Variants in NAV3 observed in about 807,000 individuals in gnomAD.
The protein encoded by NAV3 is pore membrane and/or filament interacting like protein 1.
NAV3 carries 87 observed loss-of-function variants against 244.7 expected under a neutral mutation model. The ratio of observed to expected loss-of-function variants is 0.36; its 90% CI spans 0.30 to 0.42. NAV3 has a LOEUF of 0.42. Ranked by LOEUF, NAV3 falls within the 20% of genes least tolerant of loss-of-function variation. The pLI, the probability that NAV3 is intolerant of heterozygous loss-of-function variation, is 1.00. For missense variants in NAV3, 2,663 were observed against 2,893.3 expected (o/e 0.92, Z 1.83); for synonymous variants, 1,126 against 1,042.2 (o/e 1.08, Z -1.55).
chr12:78,188,108 T>A, intron 31 of NAV3, 140 bp from the exon 32 acceptor site: 1 of 619,328 alleles, frequency 1.6e-6, no homozygotes, highest in Admixed American at 3.0e-5. Context: ...CCACCATGTG[T>A]GTCTGTTACT....
At chr12:78,142,560 G>GAGTGGGAT (rs1395602732) in intron 20 of NAV3, among the ~76,000 whole-genome samples, 3 of 150,460 alleles carry the variant, frequency 2.0e-5, no homozygotes, top group African/African-American at 7.3e-5. Flanking sequence ...TTGTAGATAG[G>GAGTGGGAT]AGTGGGATGT....
chr12:78,127,029 C>T, intron 16 of NAV3, 138 bp from the exon 17 acceptor site: 1 of 669,736 alleles, frequency 1.5e-6, no homozygotes, highest in Admixed American at 3.1e-5. Context: ...CTTTAGTTGG[C>T]CTTTTTCAAT....
intron 1 of NAV3, among the ~76,000 whole-genome samples, chr12:77,900,955 G>A (rs1447776647): frequency 6.6e-6 from 1 of 152,094 alleles, no homozygotes; most frequent in African/African-American, 2.4e-5. Context: ...TCTTATAGTG[G>A]CCTTGATTTA....
At chr12:77,785,138 A>C (rs764672702) in intron 2 of NAV3, among the ~76,000 whole-genome samples, 1 of 152,150 alleles carries the variant, frequency 6.6e-6, no homozygotes, top group Non-Finnish European at 1.5e-5. Context: ...AATAGACAGG[A>C]ACCACAGGCA....
Position 78,099,554 on chromosome 12 carries a change from T to C in NAV3, c.2637-17218T>C, listed in dbSNP as rs76985258. Among the ~76,000 whole-genome samples, 629 of 151,998 alleles carry C rather than the reference T, an allele frequency of 4.1e-3. 2 individuals carry two copies. Among genetic ancestry groups the C allele is most frequent in the Non-Finnish European group, 7.2e-3 (490 of 67,776 alleles). On this transcript the variant is annotated intron_variant, in intron 12 of 39. Transcript: ENST00000397909. ...TAAATTTATATAAGATGGAAAAAGATACCAAATGGTCTTCAATGAATCCTG... is the reference window on the plus strand; with the variant it reads ...TAAATTTATATAAGATGGAAAAAGACACCAAATGGTCTTCAATGAATCCTG...
intron 3 of NAV3, among the ~76,000 whole-genome samples, chr12:77,960,708 CTATATAT>C (rs981623929): frequency 5.5e-5 from 8 of 146,386 alleles, no homozygotes; most frequent in Non-Finnish European, 1.0e-4. Context: ...AAAGTATATG[CTATATAT>C]TATATATCAT....
intron 12 of NAV3, among the ~76,000 whole-genome samples, chr12:78,070,511 G>A (rs533702719): frequency 1.4e-4 from 22 of 151,824 alleles, no homozygotes; most frequent in Non-Finnish European, 2.2e-4. Flanking sequence ...GACTAGAACA[G>A]GTTAATCATA....
intron 9 of NAV3, among the ~76,000 whole-genome samples, chr12:78,028,610 C>CTT (rs1878464794): frequency 6.6e-6 from 1 of 152,138 alleles, no homozygotes; most frequent in African/African-American, 2.4e-5. Flanking sequence ...TAACCAAAAG[C>CTT]TTGCATCCCT....
chr12:77,612,071 T>C (rs1870941316), intron 2 of NAV3, among the ~76,000 whole-genome samples: 1 of 152,070 alleles, frequency 6.6e-6, no homozygotes, highest in Non-Finnish European at 1.5e-5. Flanking sequence ...AAAAAAATGC[T>C]TTTAGGTTAT....
At chr12:77,576,994 T>C (rs2136661220) in intron 2 of NAV3, among the ~76,000 whole-genome samples, 1 of 152,284 alleles carries the variant, frequency 6.6e-6, no homozygotes, top group East Asian at 1.9e-4. Flanking sequence ...TGAATTGTAG[T>C]GTCAGTTTCA....
At chr12:77,594,613 G>A (rs1389301147) in intron 2 of NAV3, among the ~76,000 whole-genome samples, 2 of 152,266 alleles carry the variant, frequency 1.3e-5, no homozygotes, top group South Asian at 2.1e-4. Flanking sequence ...GACAACAGGC[G>A]AGTGAGTCAT....
At chr12:77,804,034 T>C (rs1361703977) in intron 2 of NAV3, among the ~76,000 whole-genome samples, 1 of 152,208 alleles carries the variant, frequency 6.6e-6, no homozygotes, top group Non-Finnish European at 1.5e-5. Context: ...ATTAGCCCTT[T>C]GTCAGATGGA....
chr12:77,894,417 A>G (rs751326362), intron 1 of NAV3, among the ~76,000 whole-genome samples: 5 of 152,212 alleles, frequency 3.3e-5, no homozygotes, highest in Non-Finnish European at 5.9e-5. Context: ...AAATGTAATA[A>G]TTTAGATTTG....
In NAV3 at chr12:78,118,261, A is replaced by G; in HGVS notation, c.3004A>G (p.Arg1002Gly). 2 of 1,611,520 alleles carry G rather than the reference A, an allele frequency of 1.2e-6. No homozygotes were observed. Among genetic ancestry groups the G allele is most frequent in the Non-Finnish European group, 1.7e-6 (2 of 1,178,168 alleles). The change falls in exon 14 of 40, where the codon AGG becomes GGG. Residue 1002 changes from arginine (R) to glycine (G), a missense_variant. Arg to Gly is a moderately radical substitution (Grantham distance 125). Transcript: ENST00000397909. The part of the protein sequence containing the change: ...GMSAQGGAPS[R>G]QKAGTSALKT... ...GTCTGCCCAAGGAGGGGCGCCATCT[A>G]GGCAGAAAGCTGGAACAAGTGCACT...
At chr12:78,037,134 C>A (rs993362440) in intron 9 of NAV3, 1 of 702,916 alleles carries the variant, frequency 1.4e-6, no homozygotes, top group African/African-American at 1.7e-5. Context: ...GAACCTCCTG[C>A]CTGCTGGGGG....
chr12:77,909,578 C>G (rs371153940), intron 1 of NAV3, among the ~76,000 whole-genome samples: 26 of 152,128 alleles, frequency 1.7e-4, no homozygotes, highest in African/African-American at 6.3e-4. Flanking sequence ...AAAATATTAG[C>G]TGATGCAACA....
At chr12:77,985,287 A>G (rs933905507) in intron 5 of NAV3, among the ~76,000 whole-genome samples, 1 of 152,218 alleles carries the variant, frequency 6.6e-6, no homozygotes, top group Non-Finnish European at 1.5e-5. Flanking sequence ...TGATTAATTA[A>G]TTGGACAATT....
intron 18 of NAV3, among the ~76,000 whole-genome samples, chr12:78,135,289 T>TA (rs1956326116): frequency 6.6e-6 from 1 of 152,204 alleles, no homozygotes; most frequent in Admixed American, 6.5e-5. Context: ...CTACAACATC[T>TA]AAAAGCAGAT....
intron 19 of NAV3, 61 bp from the exon 20 acceptor site, chr12:78,140,220 AG>A: frequency 2.2e-6 from 3 of 1,390,592 alleles, no homozygotes; most frequent in South Asian, 1.2e-5. Context: ...TTTTCTGTAA[AG>A]GCTGGAATTT....
Sources: allele counts gnomAD v4.1 joint callset (sites outside exome capture counted in the v4.1 genomes callset), GRCh38; gene constraint gnomAD v4.1.1; transcripts MANE v1.5; gene names NCBI Gene and HGNC (gene_info 2026-07-23, HGNC 2026-07-21).